Variants in VWCE observed in about 807,000 individuals in gnomAD.
VWCE encodes the protein von Willebrand factor C and EGF domains, also known as von Willebrand factor C and EGF domain-containing protein.
Under a neutral mutation model 102.9 loss-of-function variants are expected in VWCE, and 68 were observed. The observed-to-expected ratio is 0.66, with a 90% confidence interval of 0.54 to 0.81. The LOEUF (loss-of-function observed/expected upper bound fraction) is 0.81, where lower values mean the gene tolerates loss of function less well. Ranked by LOEUF, VWCE falls within the 30% of genes least tolerant of loss-of-function variation. The probability of loss-of-function intolerance (pLI) is 0.00; values close to 1 mark genes in which losing one functional copy is unlikely to be tolerated. For synonymous variants in VWCE, 497 were observed against 515.4 expected, an observed-to-expected ratio of 0.96 and a Z score of 0.48; for missense variants, 1,137 against 1,263.6, an observed-to-expected ratio of 0.90 and a Z score of 1.52.
chr11:61,278,515 T>C (rs1443725537), intron 9 of VWCE, 39 bp from the exon 10 acceptor site: 1 of 1,596,846 alleles, frequency 6.3e-7, no homozygotes. Context: ...ATCAGACCTC[T>C]TCAAAGAAGA....
At position 61,280,858 on chromosome 11, in the gene VWCE, G is replaced by A; in HGVS notation, c.1165C>T (p.Leu389=). 1 of 1,540,266 alleles carries A rather than the reference G, an allele frequency of 6.5e-7. No individual in the cohort carries two copies. The highest frequency in any genetic ancestry group is 8.7e-7 in the Non-Finnish European group (1 of 1,144,814). The change falls in exon 8 of 20, where the codon CTG becomes TTG. Residue 389 remains leucine, a synonymous_variant. Coordinates refer to ENST00000335613, the MANE Select transcript of VWCE (RefSeq NM_152718.2). Reference sequence around the variant, plus strand: ...CTCCTTGATTCATGCATGGCTCCCAGGTGCCAGCAGGGAGAGGGCCCTGCT... The same window carrying A: ...CTCCTTGATTCATGCATGGCTCCCAAGTGCCAGCAGGGAGAGGGCCCTGCT... ...LAAGPSPCWH[L]GAMHESRSRW...
intron 4 of VWCE, among the ~76,000 whole-genome samples, chr11:61,288,155 CAAA>C (rs397978316): frequency 8.0e-5 from 3 of 37,280 alleles, no homozygotes; most frequent in Non-Finnish European, 1.2e-4. Flanking sequence ...GACTCTGTCT[CAAA>C]AAAAAAAAAA....
chr11:61,266,720 ACT>A (rs1267970059), intron 16 of VWCE, among the ~76,000 whole-genome samples: 2 of 152,078 alleles, frequency 1.3e-5, no homozygotes, highest in East Asian at 3.9e-4. Context: ...CTGAGCAAAG[ACT>A]CTCTCTGTGC....
intron 5 of VWCE, among the ~76,000 whole-genome samples, chr11:61,283,903 C>T (rs1037666992): frequency 6.6e-6 from 1 of 152,258 alleles, no homozygotes; most frequent in South Asian, 2.1e-4. Context: ...TGGAAATAAT[C>T]TCCATGTTCA....
At chr11:61,282,045 G>A in intron 6 of VWCE, 131 bp from the exon 7 acceptor site, 1 of 1,371,608 alleles carries the variant, frequency 7.3e-7, no homozygotes, top group Non-Finnish European at 9.6e-7. Flanking sequence ...CTGCCCCGAG[G>A]TGCGGGATGT....
In VWCE at chr11:61,282,897, C is replaced by T. The variant is rs766871805; in HGVS notation, c.550G>A (p.Glu184Lys). 3 of 1,613,852 alleles carry T rather than the reference C, an allele frequency of 1.9e-6. No homozygotes were observed. The highest frequency in any genetic ancestry group is 2.2e-5 in the East Asian group (1 of 44,896). ...ADRHSCQDTD[E>K]CLGTPCQQRC... The stretch of plus-strand genomic sequence containing the variant: ...TGCTGACAGGGAGTCCCTAGGCATT[C>T]GTCAGTGTCTGGCAGGAAAAGGGAC... The change falls in exon 6 of 20, where the codon GAA (glutamate) becomes AAA (lysine). Residue 184 changes from glutamate (E) to lysine (K), a missense_variant. This residue lies in a region of VWCE where 575 missense variants were observed against 625.9 expected (regional missense o/e 0.92). Coordinates refer to ENST00000335613, the MANE Select transcript of VWCE (RefSeq NM_152718.2).
intron 15 of VWCE, 38 bp from the exon 16 acceptor site, chr11:61,267,582 T>A: frequency 6.2e-7 from 1 of 1,605,450 alleles, no homozygotes; most frequent in Non-Finnish European, 8.5e-7. Flanking sequence ...CAGCTGGGAG[T>A]GGCCAGGCAC....
intron 4 of VWCE, among the ~76,000 whole-genome samples, chr11:61,287,690 C>T (rs1467911000): frequency 6.6e-6 from 1 of 152,154 alleles, no homozygotes. Flanking sequence ...CCTGGAAGAG[C>T]GACTGGCTGA....
At chr11:61,282,146 G>T (rs1855164111) in intron 6 of VWCE, among the ~76,000 whole-genome samples, 1 of 152,178 alleles carries the variant, frequency 6.6e-6, no homozygotes, top group African/African-American at 2.4e-5. Context: ...GAGTATCAGA[G>T]ACTCAGCCCC....
At position 61,266,324 on chromosome 11, in the gene VWCE, G is replaced by C. The variant is rs1328686359; in HGVS notation, c.1966-1112C>G. 2.0e-5 allele frequency among the ~76,000 whole-genome samples: 3 copies of C among 152,136 alleles called. No homozygotes were observed. In the East Asian group the frequency reaches 5.8e-4, roughly 29 times the overall value. On this transcript the variant is annotated intron_variant, in intron 16 of 19. Transcript: ENST00000335613. ...GGAGGCCAAGGTGCGAGGATTGCCT[G>C]AGCCCAGAAGTTCCATACCAGCCTG...
intron 5 of VWCE, among the ~76,000 whole-genome samples, chr11:61,285,810 G>A (rs1855301744): frequency 6.6e-6 from 1 of 152,192 alleles, no homozygotes; most frequent in South Asian, 2.1e-4. Context: ...CTGGAGTGCA[G>A]TGGTGCAATT....
Position 61,281,811 on chromosome 11 carries a change from G to C in VWCE, c.762C>G (p.Leu254=), listed in dbSNP as rs374310419. The C allele has an allele frequency of 3.3e-5, 54 of 1,613,642 alleles. No individual in the cohort carries two copies. The highest frequency in any genetic ancestry group is 4.2e-5 in the Non-Finnish European group (50 of 1,179,812). ...FLCTCRPGFR[L]RADRVSCEAF... ...CTTCACAGGACACGCGGTCAGCTCGGAGCCTGAAGCCAGGTCGGCATGTGC... is the reference window on the plus strand; with the variant it reads ...CTTCACAGGACACGCGGTCAGCTCGCAGCCTGAAGCCAGGTCGGCATGTGC... Residue 254 remains leucine (L), a synonymous_variant, in exon 7 of 20, where the codon CTC becomes CTG. Coordinates refer to ENST00000335613, the MANE Select transcript of VWCE (RefSeq NM_152718.2).
chr11:61,286,301 C>G lies in VWCE; in HGVS notation c.541+13G>C. On this transcript the variant is annotated intron_variant, in intron 5 of 19. Transcript: ENST00000335613. ...ACCCCTCCCAGAGCAGCCATTCCTT[C>G]TCTGCAGCTCACCTTGGCAGCTGTG... 1 of 1,604,254 alleles carries G rather than the reference C, an allele frequency of 6.2e-7. No individual in the cohort carries two copies. The highest frequency in any genetic ancestry group is 8.5e-7 in the Non-Finnish European group (1 of 1,179,386).
At chr11:61,282,601 G>C in intron 6 of VWCE, 188 bp downstream of exon 6, 1 of 605,608 alleles carries the variant, frequency 1.7e-6, no homozygotes, top group Non-Finnish European at 2.9e-6. Flanking sequence ...AAAAGTCCAA[G>C]ACAGGGTCTT....
At chr11:61,277,877 C>T (rs1352377172) in intron 10 of VWCE, among the ~76,000 whole-genome samples, 5 of 152,112 alleles carry the variant, frequency 3.3e-5, no homozygotes, top group South Asian at 2.1e-4. Flanking sequence ...CTCGCTCTGT[C>T]GCCCAGGCTG....
At position 61,281,659 on chromosome 11, in the gene VWCE, A is replaced by C. The variant is rs2134817453; in HGVS notation, c.787+127T>G. On this transcript the variant is annotated intron_variant, in intron 7 of 19. Coordinates refer to ENST00000335613, the MANE Select transcript of VWCE (RefSeq NM_152718.2). Reference sequence around the variant, plus strand: ...GGGGCCGGGGTAGGGCGGGGCCAGGAGCTGAGAGGGCGTGGCTGGGCGCCG... The same window carrying C: ...GGGGCCGGGGTAGGGCGGGGCCAGGCGCTGAGAGGGCGTGGCTGGGCGCCG... 9 of 1,247,670 alleles carry C rather than the reference A, an allele frequency of 7.2e-6. 1 individual carries two copies. In the South Asian group the frequency reaches 1.4e-4, roughly 19 times the overall value. The allele number at this position is 1,247,670 out of a possible 1,614,324, so 77.3% of individuals were successfully genotyped here. A position where few individuals can be genotyped will look rare whatever the true frequency, so the allele number is the denominator to read the frequency against.
rs748578711 is a variant in VWCE, at chr11:61,271,746, C to T, written c.1714G>A (p.Asp572Asn). 1.5e-5 allele frequency: 24 copies of T among 1,613,150 alleles called. No homozygotes were observed. Among genetic ancestry groups the T allele is most frequent in the East Asian group, 4.5e-5 (2 of 44,872 alleles). Residue 572 changes from aspartate to asparagine, a missense_variant, in exon 14 of 20, where the codon GAC becomes AAC. Asp to Asn is a conservative substitution (Grantham distance 23, BLOSUM62 1). Coordinates refer to ENST00000335613, the MANE Select transcript of VWCE (RefSeq NM_152718.2). ...CCAATCGGAAACTCAACCCCGTTGT[C>T]GTCAAGAGAGCAGCCTGGATGAGGA... ...PTPSTGCSLD[D>N]NGVEFPIGQI... is the part of the protein sequence containing the mutation.
Position 61,294,876 on chromosome 11 carries a change from G to T in VWCE, c.110+52C>A. On this transcript the variant is annotated intron_variant, in intron 1 of 19. Transcript: ENST00000335613. This position sits in a 1 kb window ranked among gnomAD's most constrained non-coding sequence, Gnocchi z 6.3. The stretch of plus-strand genomic sequence containing the variant: ...GCCCCTCCGCGCCTCTCGACTGCAC[G>T]CCGGTAGCGCTCTCCCGGGCGGGGG... 2 of 1,249,182 alleles carry T rather than the reference G, an allele frequency of 1.6e-6. No individual in the cohort carries two copies. The highest frequency in any genetic ancestry group is 3.0e-4 in the Middle Eastern group (1 of 3,314). 77.4% of individuals were successfully genotyped at this position (1,249,182 alleles called of 1,614,324 possible). A position where few individuals can be genotyped will look rare whatever the true frequency, so the allele number is the denominator to read the frequency against.
intron 9 of VWCE, among the ~76,000 whole-genome samples, chr11:61,279,710 T>C (rs979656717): frequency 1.3e-5 from 2 of 152,110 alleles, no homozygotes; most frequent in Admixed American, 6.5e-5. Flanking sequence ...CCAGACCAAC[T>C]GAATGAGAAT....
Sources: allele counts gnomAD v4.1 joint callset (sites outside exome capture counted in the v4.1 genomes callset), GRCh38; gene constraint gnomAD v4.1.1; regional missense constraint gnomAD v4.1.1; non-coding constraint Gnocchi (gnomAD v3.1); transcripts MANE v1.5; gene names NCBI Gene and HGNC (gene_info 2026-07-23, HGNC 2026-07-21).